The following ZNF334 variants were observed in gnomAD, a reference collection of about 807,000 sequenced individuals.
ZNF334 encodes zinc finger protein 334.
A neutral mutation model predicts 12.4 loss-of-function variants in ZNF334; 14 were observed. That is an observed-to-expected ratio of 1.13 (90% CI 0.74 to 1.76). ZNF334 has a LOEUF of 1.76. Among genes scored for constraint, ZNF334 ranks in the 40% most tolerant of loss-of-function variants. The pLI is 0.00. For missense variants in ZNF334, 797 were observed against 804.5 expected (o/e 0.99, Z 0.11); for synonymous variants, 273 against 269.6 (o/e 1.01, Z -0.12).
At chr20:46,493,178 G>A in the ZNF334 span, among the ~76,000 whole-genome samples, 1 of 152,130 alleles carries the variant, frequency 6.6e-6, no homozygotes, top group Non-Finnish European at 1.5e-5. Context: ...AAGCTAAGAG[G>A]CAGCTAGAAG....
chr20:46,462,793 T>C, the ZNF334 span, among the ~76,000 whole-genome samples: 21 of 152,230 alleles, frequency 1.4e-4, no homozygotes, highest in Non-Finnish European at 2.5e-4. Context: ...ACCAAGTTTC[T>C]CTACTAAGGC....
At chr20:46,464,198 G>GTC in the ZNF334 span, 3 of 529,180 alleles carry the variant, frequency 5.7e-6, no homozygotes, top group Admixed American at 6.0e-5. Flanking sequence ...CAGCTCCCCT[G>GTC]TCCTTCATCA....
chr20:46,465,798 A>G, the ZNF334 span, among the ~76,000 whole-genome samples: 1 of 152,078 alleles, frequency 6.6e-6, no homozygotes, highest in Non-Finnish European at 1.5e-5. Context: ...ACTAAAATAC[A>G]AAAGAAATTA....
Position 46,500,760 on chromosome 20 carries a change from A to G in ZNF334, c.*536T>C. 1 of 155,806 alleles carries G rather than the reference A, an allele frequency of 6.4e-6. No homozygotes were observed. The highest frequency in any genetic ancestry group is 1.4e-5 in the Non-Finnish European group (1 of 70,152). 9.7% of individuals were successfully genotyped at this position (155,806 alleles called of 1,614,324 possible). On this transcript the variant is annotated 3_prime_UTR_variant, in exon 5 of 5. Coordinates refer to ENST00000692313, the MANE Select transcript of ZNF334 (RefSeq NM_001353824.2). ...TGGGGTATAATTACCATGGGTGCAT[A>G]GAGTACAATGGTTAGTTCTCCTGAG... is the stretch of plus-strand genomic sequence containing the variant.
intron 2 of ZNF334, among the ~76,000 whole-genome samples, chr20:46,508,716 G>T (rs979710401): frequency 6.6e-6 from 1 of 152,170 alleles, no homozygotes; most frequent in African/African-American, 2.4e-5. Flanking sequence ...AGGAAGGATG[G>T]TAGAGACACT....
the ZNF334 span, chr20:46,463,939 T>G: frequency 3.3e-3 from 1,824 of 550,154 alleles, 4 homozygotes; most frequent in Non-Finnish European, 5.1e-3. Context: ...ATGGAACAAG[T>G]CCCACTCATT....
the ZNF334 span, among the ~76,000 whole-genome samples, chr20:46,479,597 A>G: frequency 4.9e-4 from 74 of 152,342 alleles, no homozygotes; most frequent in East Asian, 0.013. Flanking sequence ...GAAGGAAATC[A>G]AAGTATTTTA....
In ZNF334 at chr20:46,501,934, A is replaced by G. The variant is rs1293728354; in HGVS notation, c.1405T>C (p.Phe469Leu). ...KSYECNECGKFFCHKSTLTIH... is the reference protein window; with the variant it reads ...KSYECNECGKLFCHKSTLTIH... ...GTGAGTGTTGACTTATGGCAGAAAA[A>G]TTTCCCACATTCATTACATTCATAA... The change falls in exon 5 of 5, where the codon TTT becomes CTT. Residue 469 changes from phenylalanine (F) to leucine (L), a missense_variant. Coordinates refer to ENST00000692313, the MANE Select transcript of ZNF334 (RefSeq NM_001353824.2). 8 of 1,613,760 alleles carry G rather than the reference A, an allele frequency of 5.0e-6. No homozygotes were observed. The East Asian group carries it at 1.8e-4, about 36-fold the overall frequency.
the ZNF334 span, chr20:46,490,978 G>A: frequency 6.6e-6 from 1 of 152,558 alleles, no homozygotes; most frequent in Non-Finnish European, 1.5e-5. Flanking sequence ...TTGGGCATGT[G>A]TCACAACTTA....
At chr20:46,498,019 A>C (rs77305610), downstream of ZNF334, among the ~76,000 whole-genome samples, 3,059 of 152,330 alleles carry the variant, frequency 0.02, 101 homozygotes, top group African/African-American at 0.07. Flanking sequence ...CTATCTCTAG[A>C]AAGAAGCCTC....
the ZNF334 span, among the ~76,000 whole-genome samples, chr20:46,466,075 T>A: frequency 6.6e-6 from 1 of 152,180 alleles, no homozygotes; most frequent in Non-Finnish European, 1.5e-5. Context: ...ATATACCCTA[T>A]AAATTTCATG....
At chr20:46,480,019 T>C in the ZNF334 span, among the ~76,000 whole-genome samples, 1 of 152,212 alleles carries the variant, frequency 6.6e-6, no homozygotes, top group African/African-American at 2.4e-5. Flanking sequence ...TCCTTACATG[T>C]ATTGATCTAT....
At chr20:46,473,175 T>A in the ZNF334 span, among the ~76,000 whole-genome samples, 1 of 152,244 alleles carries the variant, frequency 6.6e-6, no homozygotes, top group Non-Finnish European at 1.5e-5. Context: ...CATTTGTAAA[T>A]CTTATTTTTA....
chr20:46,474,937 G>A, the ZNF334 span, among the ~76,000 whole-genome samples: 1 of 152,072 alleles, frequency 6.6e-6, no homozygotes, highest in African/African-American at 2.4e-5. Context: ...GAGAAGAGGG[G>A]GTGAAGGGAC....
At chr20:46,465,840 AG>A in the ZNF334 span, among the ~76,000 whole-genome samples, 1 of 152,184 alleles carries the variant, frequency 6.6e-6, no homozygotes, top group Non-Finnish European at 1.5e-5. Context: ...CTGTAGTCCC[AG>A]CTACTCAGGA....
chr20:46,480,790 G>A, the ZNF334 span, among the ~76,000 whole-genome samples: 1 of 152,176 alleles, frequency 6.6e-6, no homozygotes, highest in Non-Finnish European at 1.5e-5. Flanking sequence ...TATCGGAGTT[G>A]ATCTTTCTGA....
the ZNF334 span, among the ~76,000 whole-genome samples, chr20:46,483,603 T>C: frequency 2.6e-5 from 4 of 152,326 alleles, no homozygotes; most frequent in East Asian, 7.7e-4. Flanking sequence ...AGTTATTGCC[T>C]CAGTATTCAT....
the ZNF334 span, among the ~76,000 whole-genome samples, chr20:46,483,832 T>C: frequency 6.6e-6 from 1 of 152,242 alleles, no homozygotes; most frequent in Non-Finnish European, 1.5e-5. Context: ...TTTTCCCTTG[T>C]GTGAAAATCA....
chr20:46,509,299 AG>A lies in ZNF334; in HGVS notation c.21+2782del, dbSNP rs144308362. 5.1e-3 allele frequency among the ~76,000 whole-genome samples: 773 copies of A among 152,322 alleles called. 6 individuals carry two copies. The highest frequency in any genetic ancestry group is 0.018 in the African/African-American group (740 of 41,556). ...AGGATGGCTTTTAGTTGGGATTTCT[AG>A]AAAACAGATCCTAAGGCAAGGACTT... On this transcript the variant is annotated intron_variant, in intron 2 of 4. Coordinates refer to ENST00000692313, the MANE Select transcript of ZNF334 (RefSeq NM_001353824.2).
Sources: allele counts gnomAD v4.1 joint callset (sites outside exome capture counted in the v4.1 genomes callset), GRCh38; gene constraint gnomAD v4.1.1; transcripts MANE v1.5; gene names NCBI Gene and HGNC (gene_info 2026-07-23, HGNC 2026-07-21).